The following CLYBL variants were observed in gnomAD, a reference collection of about 807,000 sequenced individuals.
CLYBL encodes the protein citramalyl-CoA lyase.
A neutral mutation model predicts 38.9 loss-of-function variants in CLYBL; 31 were observed. The observed-to-expected ratio is 0.80, with a 90% CI of 0.60 to 1.08. The LOEUF is 1.08. Among genes scored for constraint, CLYBL ranks in the 50% least tolerant of loss-of-function variants. CLYBL has a pLI of 0.00. For missense variants in CLYBL, 434 were observed against 411.6 expected (o/e 1.05, Z -0.47); for synonymous variants, 171 against 158.6 (o/e 1.08, Z -0.59).
chr13:99,739,199 T>G (rs2048711994), intron 1 of CLYBL, among the ~76,000 whole-genome samples: 1 of 152,196 alleles, frequency 6.6e-6, no homozygotes, highest in Non-Finnish European at 1.5e-5. Context: ...CTAATTTCAG[T>G]GTTCGTAATA....
intron 1 of CLYBL, among the ~76,000 whole-genome samples, chr13:99,751,512 C>T (rs1429756669): frequency 2.6e-5 from 4 of 152,188 alleles, no homozygotes; most frequent in African/African-American, 9.6e-5. Flanking sequence ...TGAGCCCCTA[C>T]ACCTGGTGAA....
chr13:99,853,677 C>G (rs1189303986), intron 2 of CLYBL, among the ~76,000 whole-genome samples: 1 of 151,854 alleles, frequency 6.6e-6, no homozygotes, highest in African/African-American at 2.4e-5. Context: ...CTACAACAGT[C>G]TCTGATCATT....
chr13:99,674,669 TG>T (rs1215320448), intron 1 of CLYBL, among the ~76,000 whole-genome samples: 1 of 152,160 alleles, frequency 6.6e-6, no homozygotes, highest in Non-Finnish European at 1.5e-5. Context: ...TCTGTCTTAA[TG>T]TTGGACACTC....
At chr13:99,741,697 G>A (rs575305273) in intron 1 of CLYBL, among the ~76,000 whole-genome samples, 3 of 152,274 alleles carry the variant, frequency 2.0e-5, no homozygotes, top group African/African-American at 7.2e-5. Flanking sequence ...GGCTGGTCTT[G>A]AACTCCTGAC....
At chr13:99,788,092 AT>A (rs1158101952) in intron 2 of CLYBL, among the ~76,000 whole-genome samples, 5 of 152,284 alleles carry the variant, frequency 3.3e-5, no homozygotes, top group African/African-American at 1.2e-4. Context: ...GCTTAAGGAG[AT>A]TTTGGGCTGA....
intron 1 of CLYBL, among the ~76,000 whole-genome samples, chr13:99,647,274 T>C (rs1013706606): frequency 6.6e-6 from 1 of 152,188 alleles, no homozygotes; most frequent in African/African-American, 2.4e-5. Context: ...GGACACAAGC[T>C]TGTTCATAGG....
At chr13:99,787,682 G>T (rs1278483321) in intron 2 of CLYBL, among the ~76,000 whole-genome samples, 1 of 152,186 alleles carries the variant, frequency 6.6e-6, no homozygotes, top group Non-Finnish European at 1.5e-5. Context: ...TGGCGATGCG[G>T]ATTCTTTTTT....
intron 1 of CLYBL, among the ~76,000 whole-genome samples, chr13:99,736,334 G>A (rs1345939610): frequency 6.6e-6 from 1 of 151,598 alleles, no homozygotes; most frequent in Non-Finnish European, 1.5e-5. Flanking sequence ...CACCGCACCC[G>A]GCCATCCTAT....
chr13:99,887,421 G>A (rs1377582696), intron 7 of CLYBL, among the ~76,000 whole-genome samples: 2 of 152,218 alleles, frequency 1.3e-5, no homozygotes, highest in African/African-American at 2.4e-5. Flanking sequence ...TTCTGCCTCA[G>A]TTTCCTCAGT....
intron 9 of CLYBL, among the ~76,000 whole-genome samples, chr13:99,906,965 T>C (rs1216062623): frequency 6.6e-6 from 1 of 152,182 alleles, no homozygotes; most frequent in Non-Finnish European, 1.5e-5. Flanking sequence ...CTAAAGAAAT[T>C]CTGTAATCCA....
chr13:99,699,886 C>T (rs1480148919), intron 1 of CLYBL, among the ~76,000 whole-genome samples: 2 of 145,366 alleles, frequency 1.4e-5, no homozygotes, highest in African/African-American at 5.1e-5. Flanking sequence ...CCCAGCTACT[C>T]GAGGCTGAGG....
chr13:99,710,148 G>A (rs962330197), intron 1 of CLYBL, among the ~76,000 whole-genome samples: 6 of 151,932 alleles, frequency 3.9e-5, no homozygotes, highest in African/African-American at 1.2e-4. Context: ...TGCTGACCTC[G>A]TGATCTGCCC....
chr13:99,874,540 C>CT (rs1169946186), intron 7 of CLYBL, among the ~76,000 whole-genome samples: 1 of 146,754 alleles, frequency 6.8e-6, no homozygotes, highest in East Asian at 1.9e-4. Context: ...TTCAACAGTT[C>CT]TTTTTTATCA....
At chr13:99,821,436 G>T (rs2050586245) in intron 2 of CLYBL, among the ~76,000 whole-genome samples, 1 of 152,162 alleles carries the variant, frequency 6.6e-6, no homozygotes, top group African/African-American at 2.4e-5. Flanking sequence ...AATTGCTCCT[G>T]TTATTGGATA....
intron 1 of CLYBL, among the ~76,000 whole-genome samples, chr13:99,743,966 C>CTTTTTTTTTTTTTTTTT (rs1162079530): frequency 7.2e-5 from 5 of 69,180 alleles, no homozygotes; most frequent in Non-Finnish European, 1.3e-4. Flanking sequence ...TCTCTTCTTT[C>CTTTTTTTTTTTTTTTTT]TTTTTTTTTT....
intron 2 of CLYBL, among the ~76,000 whole-genome samples, chr13:99,828,725 A>T (rs2050746669): frequency 6.6e-6 from 1 of 152,210 alleles, no homozygotes. Flanking sequence ...AGGGAGACAC[A>T]CATATATAAT....
chr13:99,627,382 G>A (rs1446586599), intron 1 of CLYBL, among the ~76,000 whole-genome samples: 1 of 152,146 alleles, frequency 6.6e-6, no homozygotes, highest in Non-Finnish European at 1.5e-5. Flanking sequence ...GTTAGTGGGT[G>A]TTATATCCTT....
At chr13:99,845,273 T>C (rs2051173676) in intron 2 of CLYBL, among the ~76,000 whole-genome samples, 1 of 152,214 alleles carries the variant, frequency 6.6e-6, no homozygotes, top group African/African-American at 2.4e-5. Flanking sequence ...CAGAGAAGGC[T>C]CTGGCAAGAG....
chr13:99,877,571 C>CTTTTTTTTTTTT, intron 7 of CLYBL: 1 of 212,138 alleles, frequency 4.7e-6, no homozygotes, highest in Non-Finnish European at 8.2e-6. Context: ...TTTTGTAATT[C>CTTTTTTTTTTTT]TTTTTTTTTT....
Sources: allele counts gnomAD v4.1 joint callset (sites outside exome capture counted in the v4.1 genomes callset), GRCh38; gene constraint gnomAD v4.1.1; transcripts MANE v1.5; gene names NCBI Gene and HGNC (gene_info 2026-07-23, HGNC 2026-07-21).